The following RALYL variants were observed in gnomAD, a reference collection of about 807,000 sequenced individuals.
The protein encoded by RALYL is RALY RNA binding protein like, also known as RNA-binding Raly-like protein.
In RALYL, 29 loss-of-function variants were observed where a neutral mutation model predicts 35.1. The ratio of observed to expected loss-of-function variants is 0.83; its 90% CI spans 0.61 to 1.13. The LOEUF is 1.13. Ranked by LOEUF, RALYL falls within the 50% of genes most tolerant of loss-of-function variation. The pLI, the probability that RALYL is intolerant of heterozygous loss-of-function variation, is 0.00. For missense variants in RALYL, 359 were observed against 360.4 expected, an observed-to-expected ratio of 1.00 and a Z score of 0.03; for synonymous variants, 120 against 127.6, an observed-to-expected ratio of 0.94 and a Z score of 0.40.
At chr8:84,548,380 T>C (rs971518528) in intron 2 of RALYL, among the ~76,000 whole-genome samples, 3 of 152,200 alleles carry the variant, frequency 2.0e-5, no homozygotes, top group African/African-American at 4.8e-5. Context: ...GTAGGGACTT[T>C]CTTATTCTAA....
intron 4 of RALYL, among the ~76,000 whole-genome samples, chr8:84,812,395 G>A (rs1826100540): frequency 1.3e-5 from 2 of 152,108 alleles, no homozygotes; most frequent in Admixed American, 1.3e-4. Flanking sequence ...CTCTATTTTT[G>A]TGCGGGTTGG....
intron 1 of RALYL, among the ~76,000 whole-genome samples, chr8:84,333,817 T>A (rs1586370563): frequency 6.6e-6 from 1 of 152,106 alleles, no homozygotes; most frequent in East Asian, 1.9e-4. Flanking sequence ...AATAGTAAAT[T>A]AATTAATTTA....
chr8:84,245,362 C>A (rs2131609059), intron 1 of RALYL, among the ~76,000 whole-genome samples: 1 of 152,256 alleles, frequency 6.6e-6, no homozygotes, highest in East Asian at 1.9e-4. Context: ...CAATAATTGG[C>A]AGCTTCTGAA....
chr8:84,920,373 C>T (rs1002858729), intron 8 of RALYL, among the ~76,000 whole-genome samples: 1 of 152,160 alleles, frequency 6.6e-6, no homozygotes. Context: ...CTCATGGTTG[C>T]ACCATGAAGT....
At chr8:84,741,882 A>C (rs1340955515) in intron 2 of RALYL, among the ~76,000 whole-genome samples, 1 of 151,956 alleles carries the variant, frequency 6.6e-6, no homozygotes, top group Non-Finnish European at 1.5e-5. Flanking sequence ...TAGACTAAAA[A>C]TTTGGGCCAT....
chr8:84,416,192 G>A (rs1460927889), intron 1 of RALYL, among the ~76,000 whole-genome samples: 1 of 152,106 alleles, frequency 6.6e-6, no homozygotes, highest in East Asian at 1.9e-4. Flanking sequence ...CATTCACTCT[G>A]TACCAGATGC....
chr8:84,539,162 G>T (rs2059819480), intron 2 of RALYL, among the ~76,000 whole-genome samples: 1 of 152,162 alleles, frequency 6.6e-6, no homozygotes, highest in Non-Finnish European at 1.5e-5. Context: ...AGGACATGTG[G>T]AACTTTGGAC....
intron 1 of RALYL, among the ~76,000 whole-genome samples, chr8:84,528,589 A>G (rs1485887851): frequency 6.6e-6 from 1 of 152,114 alleles, no homozygotes. Flanking sequence ...TAATCTACTA[A>G]TTTGCTGATC....
intron 2 of RALYL, among the ~76,000 whole-genome samples, chr8:84,689,691 C>A (rs1282367696): frequency 6.6e-6 from 1 of 152,134 alleles, no homozygotes. Flanking sequence ...TACAGTCCCA[C>A]CAACAGTGTA....
intron 6 of RALYL, 58 bp from the exon 7 acceptor site, chr8:84,873,226 A>T: frequency 1.1e-6 from 1 of 919,174 alleles, no homozygotes; most frequent in South Asian, 1.5e-5. Context: ...GTTCGGTCCT[A>T]GGTGAGTTAT....
intron 2 of RALYL, among the ~76,000 whole-genome samples, chr8:84,568,085 C>T (rs1165611969): frequency 6.6e-6 from 1 of 151,352 alleles, no homozygotes; most frequent in East Asian, 1.9e-4. Flanking sequence ...TTATAGGGTA[C>T]ATGTGCACAA....
Position 84,788,876 on chromosome 8 carries a change from G to A in RALYL, c.332+14222G>A, listed in dbSNP as rs542371377. On this transcript the variant is annotated intron_variant, in intron 3 of 8. Coordinates refer to ENST00000521268, the MANE Select transcript of RALYL (RefSeq NM_173848.7). Reference sequence around the variant, plus strand: ...AAAGTCAAAATATCTGAGCCTTTAAGTGGTGCAGTGGAATGAGCAATCAGG... The same window carrying A: ...AAAGTCAAAATATCTGAGCCTTTAAATGGTGCAGTGGAATGAGCAATCAGG... 4.6e-5 allele frequency among the ~76,000 whole-genome samples: 7 copies of A among 152,334 alleles called. No individual in the cohort carries two copies. The South Asian group carries it at 1.4e-3, about 32-fold the overall frequency.
intron 3 of RALYL, among the ~76,000 whole-genome samples, chr8:84,784,458 G>T (rs972847009): frequency 2.0e-5 from 3 of 152,000 alleles, no homozygotes; most frequent in Non-Finnish European, 4.4e-5. Flanking sequence ...TTACAAAATT[G>T]GCAAATTCTA....
intron 1 of RALYL, among the ~76,000 whole-genome samples, chr8:84,413,861 A>G (rs2044347909): frequency 6.6e-6 from 1 of 152,104 alleles, no homozygotes; most frequent in African/African-American, 2.4e-5. Context: ...TGTCGTCATC[A>G]TTAAATCTGT....
chr8:84,709,211 C>A (rs1476964745), intron 2 of RALYL, among the ~76,000 whole-genome samples: 2 of 152,210 alleles, frequency 1.3e-5, no homozygotes, highest in Non-Finnish European at 1.5e-5. Flanking sequence ...CCTTCCATCT[C>A]TAACCCTCAT....
intron 1 of RALYL, among the ~76,000 whole-genome samples, chr8:84,214,950 G>T (rs1327642685): frequency 3.3e-5 from 5 of 151,154 alleles, no homozygotes; most frequent in Non-Finnish European, 7.4e-5. Context: ...CTGTCACCCA[G>T]GCTGGAGTTC....
intron 1 of RALYL, among the ~76,000 whole-genome samples, chr8:84,301,567 A>G (rs1389256483): frequency 6.6e-6 from 1 of 151,876 alleles, no homozygotes; most frequent in Non-Finnish European, 1.5e-5. Flanking sequence ...TCACAACGTG[A>G]TCTTAATAAT....
At chr8:84,716,920 G>A (rs1843026927) in intron 2 of RALYL, among the ~76,000 whole-genome samples, 1 of 152,090 alleles carries the variant, frequency 6.6e-6, no homozygotes. Flanking sequence ...ACAAGAAATT[G>A]TAGCATAAAG....
intron 2 of RALYL, among the ~76,000 whole-genome samples, chr8:84,597,984 C>T (rs902994395): frequency 6.6e-6 from 1 of 152,092 alleles, no homozygotes; most frequent in African/African-American, 2.4e-5. Context: ...TATTCTGTCA[C>T]CTGCAGGAGA....
Sources: allele counts gnomAD v4.1 joint callset (sites outside exome capture counted in the v4.1 genomes callset), GRCh38; gene constraint gnomAD v4.1.1; transcripts MANE v1.5; gene names NCBI Gene and HGNC (gene_info 2026-07-23, HGNC 2026-07-21).